The following DNM3 variants were observed in gnomAD, a reference collection of about 807,000 sequenced individuals.
The protein encoded by DNM3 is dynamin 3.
In DNM3, 47 loss-of-function variants were observed where a neutral mutation model predicts 101.6. The observed-to-expected ratio is 0.46, with a 90% CI of 0.37 to 0.59. DNM3 has a LOEUF of 0.59. DNM3 is among the 20% of genes least tolerant of loss of function. The pLI, the probability that DNM3 is intolerant of heterozygous loss-of-function variation, is 0.00. For missense variants in DNM3, 849 were observed against 1,085.7 expected (o/e 0.78, Z 3.06); for synonymous variants, 385 against 387.9 (o/e 0.99, Z 0.09).
At chr1:172,024,692 G>A (rs1011125587) in intron 4 of DNM3, among the ~76,000 whole-genome samples, 1 of 151,976 alleles carries the variant, frequency 6.6e-6, no homozygotes, top group Non-Finnish European at 1.5e-5. Flanking sequence ...CCTGGGAAGC[G>A]CATGGGGTTG....
intron 2 of DNM3, among the ~76,000 whole-genome samples, chr1:171,923,162 C>T (rs1007698854): frequency 3.9e-5 from 6 of 152,168 alleles, no homozygotes; most frequent in African/African-American, 9.7e-5. Context: ...ACATTCCTAC[C>T]GGCAGTGTAT....
chr1:171,959,845 C>T (rs879082730), intron 2 of DNM3, among the ~76,000 whole-genome samples: 3 of 151,684 alleles, frequency 2.0e-5, no homozygotes, highest in Admixed American at 6.6e-5. Flanking sequence ...CTGACCTTAG[C>T]GAACTCTGTT....
chr1:172,236,974 G>A (rs1335462526), intron 14 of DNM3, among the ~76,000 whole-genome samples: 1 of 151,866 alleles, frequency 6.6e-6, no homozygotes, highest in Non-Finnish European at 1.5e-5. Flanking sequence ...TTTTATTAAG[G>A]GCCGAACATT....
At position 172,062,225 on chromosome 1, in the gene DNM3, C is replaced by T. The variant is rs925307769; in HGVS notation, c.1336-6594C>T. On this transcript the variant is annotated intron_variant, in intron 10 of 20. Coordinates refer to ENST00000627582, the MANE Select transcript of DNM3 (RefSeq NM_015569.5). Reference sequence around the variant, plus strand: ...CATTAATATGTCTACCAGAGATAAACTTGGGAAGAGAGAGATAAAAATCTG... The same window carrying T: ...CATTAATATGTCTACCAGAGATAAATTTGGGAAGAGAGAGATAAAAATCTG... 2.6e-5 allele frequency among the ~76,000 whole-genome samples: 4 copies of T among 152,062 alleles called. No individual in the cohort carries two copies. The East Asian group carries it at 7.7e-4, about 29-fold the overall frequency.
At chr1:172,110,684 G>A (rs923939126) in intron 13 of DNM3, among the ~76,000 whole-genome samples, 1 of 152,182 alleles carries the variant, frequency 6.6e-6, no homozygotes, top group Non-Finnish European at 1.5e-5. Flanking sequence ...AAATTTAATT[G>A]TCATTGCAGG....
chr1:172,123,723 G>A (rs886608099), intron 13 of DNM3, among the ~76,000 whole-genome samples: 7 of 152,108 alleles, frequency 4.6e-5, no homozygotes, highest in Admixed American at 3.9e-4. Context: ...CTCCTCCTGG[G>A]GAGGACTGAG....
intron 1 of DNM3, among the ~76,000 whole-genome samples, chr1:171,918,554 C>A (rs915619056): frequency 6.6e-6 from 1 of 152,154 alleles, no homozygotes; most frequent in African/African-American, 2.4e-5. Flanking sequence ...CTTTGTTGTA[C>A]TTCAGAGATG....
At chr1:172,156,733 G>A (rs1398077614) in intron 14 of DNM3, among the ~76,000 whole-genome samples, 2 of 151,650 alleles carry the variant, frequency 1.3e-5, no homozygotes, top group Non-Finnish European at 2.9e-5. Flanking sequence ...TTCAGTAATC[G>A]CTCATTTTTT....
chr1:172,218,370 TC>T (rs1219235934), intron 14 of DNM3, among the ~76,000 whole-genome samples: 1 of 152,116 alleles, frequency 6.6e-6, no homozygotes, highest in African/African-American at 2.4e-5. Flanking sequence ...AGAATTTTGT[TC>T]TTTGTTACAC....
chr1:171,988,886 G>C, intron 3 of DNM3, 59 bp from the exon 4 acceptor site: 1 of 1,427,332 alleles, frequency 7.0e-7, no homozygotes. Context: ...AAATGATTCT[G>C]TATTGTTATC....
At chr1:172,259,268 G>A (rs892972949) in intron 15 of DNM3, among the ~76,000 whole-genome samples, 7 of 152,076 alleles carry the variant, frequency 4.6e-5, no homozygotes, top group Non-Finnish European at 1.0e-4. Flanking sequence ...GGTCTATTTG[G>A]TCTAATATGC....
chr1:172,339,117 AT>A, intron 17 of DNM3: 1 of 460,576 alleles, frequency 2.2e-6, no homozygotes, highest in Admixed American at 2.5e-5. Context: ...ATTTGGTCGT[AT>A]TTTGATATGT....
At chr1:172,155,872 T>C (rs1414734907) in intron 14 of DNM3, among the ~76,000 whole-genome samples, 2 of 152,106 alleles carry the variant, frequency 1.3e-5, no homozygotes, top group East Asian at 3.9e-4. Flanking sequence ...AAATATTATA[T>C]GGTCTGTTTA....
chr1:172,308,719 TAAC>T lies in DNM3; in HGVS notation c.1770-8_1770-6del. 1 of 1,469,468 alleles carries T rather than the reference TAAC, an allele frequency of 6.8e-7. No individual in the cohort carries two copies. The highest frequency in any genetic ancestry group is 2.4e-5 in the Admixed American group (1 of 42,146). The allele number at this position is 1,469,468 out of a possible 1,614,324, so 91.0% of individuals were successfully genotyped here. On this transcript the variant is annotated splice_polypyrimidine_tract_variant and splice_region_variant and intron_variant, in intron 15 of 20. Transcript: ENST00000627582. ...CTAAAAGCATGATTTTTTTTTTTTT[TAAC>T]TCCAGGAATGTATACAAAGACTATC...
Position 171,988,972 on chromosome 1 carries a change from C to T in DNM3, c.413C>T (p.Pro138Leu). The T allele has an allele frequency of 1.3e-6, 2 of 1,599,150 alleles. No homozygotes were observed. Among genetic ancestry groups the T allele is most frequent in the Non-Finnish European group, 1.7e-6 (2 of 1,172,102 alleles). ...HVLNLTLIDL[P>L]GITKVPVGDQ... ...TTAAATCTAACCCTTATTGATCTAC[C>T]TGGAATAACTAAAGTGCCTGTGGGA... is the stretch of plus-strand genomic sequence containing the variant. The change falls in exon 4 of 21, where the codon CCT (proline) becomes CTT (leucine). Residue 138 changes from proline (P) to leucine (L), a missense_variant. By Grantham distance (98) the Pro-to-Leu change is moderately conservative. This residue lies in a region of DNM3 where 388 missense variants were observed against 483.0 expected (regional missense o/e 0.80). Coordinates refer to ENST00000627582, the MANE Select transcript of DNM3 (RefSeq NM_015569.5).
At chr1:172,230,714 A>G (rs1311961746) in intron 14 of DNM3, among the ~76,000 whole-genome samples, 1 of 152,058 alleles carries the variant, frequency 6.6e-6, no homozygotes, top group Non-Finnish European at 1.5e-5. Context: ...TCTTCAGCCC[A>G]TTGCGAGCAC....
rs371512174 is a variant in DNM3 at position 172,407,798 on chromosome 1, G to T, written c.2549G>T (p.Arg850Leu). Residue 850 changes from arginine (R) to leucine (L), a missense_variant, in exon 21 of 21, where the codon CGT (arginine) becomes CTT (leucine). By Grantham distance (102) the Arg-to-Leu change is moderately radical (BLOSUM62 -2). Coordinates refer to ENST00000627582, the MANE Select transcript of DNM3 (RefSeq NM_015569.5). Reference sequence around the variant, plus strand: ...CGGAGACCACCCCCATCACCAACTCGTCCCACTATAATCCGCCCACTAGAA... The same window carrying T: ...CGGAGACCACCCCCATCACCAACTCTTCCCACTATAATCCGCCCACTAGAA... The part of the protein sequence containing the change: ...PSRRPPPSPT[R>L]PTIIRPLESS... The T allele has an allele frequency of 1.2e-6, 2 of 1,613,084 alleles. No homozygotes were observed. Among genetic ancestry groups the T allele is most frequent in the South Asian group, 1.1e-5 (1 of 91,038 alleles).
chr1:172,052,677 T>A (rs1195702555), intron 10 of DNM3, among the ~76,000 whole-genome samples: 1 of 152,098 alleles, frequency 6.6e-6, no homozygotes, highest in Non-Finnish European at 1.5e-5. Context: ...TCTCATGGGT[T>A]CTCTTCCCTC....
Position 172,081,872 on chromosome 1 carries a change from C to T in DNM3, c.1463C>T (p.Thr488Ile). 1 of 1,613,294 alleles carries T rather than the reference C, an allele frequency of 6.2e-7. No individual in the cohort carries two copies. The highest frequency in any genetic ancestry group is 8.5e-7 in the Non-Finnish European group (1 of 1,179,540). ...GACATTCAAGTCTCTTACATCAACA[C>T]CAACCATGAAGACTTCATTGGCTTC... ...LIDIQVSYIN[T>I]NHEDFIGFAN... Residue 488 changes from threonine to isoleucine, a missense_variant, in exon 12 of 21, where the codon ACC becomes ATC. This residue lies in a region of DNM3 where 193 missense variants were observed against 238.4 expected (regional missense o/e 0.81). Coordinates refer to ENST00000627582, the MANE Select transcript of DNM3 (RefSeq NM_015569.5).
Sources: gnomAD v4.1 joint callset for allele counts (sites outside exome capture counted in the v4.1 genomes callset) on GRCh38, gnomAD v4.1.1 for gene constraint, gnomAD v4.1.1 regional missense constraint, MANE v1.5 for transcripts, NCBI Gene and HGNC (gene_info 2026-07-23, HGNC 2026-07-21) for gene names.